Variants in ARID1A observed in about 807,000 individuals in gnomAD.
ARID1A encodes AT-rich interactive domain-containing protein 1A.
ARID1A carries 20 observed loss-of-function variants against 212.6 expected under a neutral mutation model. That is an observed-to-expected ratio of 0.09 (90% CI 0.07 to 0.14). The LOEUF (loss-of-function observed/expected upper bound fraction) is 0.14. Among genes scored for constraint, ARID1A ranks in the 10% least tolerant of loss-of-function variants. The probability of loss-of-function intolerance (pLI) is 1.00; values close to 1 mark genes in which losing one functional copy is unlikely to be tolerated. For synonymous variants in ARID1A, 1,376 were observed against 1,222.1 expected (o/e 1.13, Z -2.63); for missense variants, 2,587 against 3,059.0 (o/e 0.85, Z 3.64).
chr1:26,718,138 C>G (rs1299100409), intron 1 of ARID1A, among the ~76,000 whole-genome samples: 1 of 152,100 alleles, frequency 6.6e-6, no homozygotes, highest in Admixed American at 6.5e-5. Flanking sequence ...CCACGCCCAG[C>G]TAATTTTTGT....
chr1:26,753,937 G>C (rs1010015553), intron 4 of ARID1A, among the ~76,000 whole-genome samples: 2 of 152,156 alleles, frequency 1.3e-5, no homozygotes, highest in African/African-American at 4.8e-5. Flanking sequence ...CTCCCGAGTA[G>C]CTGGGACTAC....
At chr1:26,753,084 G>A (rs1226698113) in intron 4 of ARID1A, 4 of 152,172 alleles carry the variant, frequency 2.6e-5, no homozygotes, top group Non-Finnish European at 5.9e-5. Flanking sequence ...TCCTCATGTG[G>A]CTCTATTGGG....
rs2124108154 is a variant in ARID1A at position 26,772,976 on chromosome 1, G to C, written c.3704G>C (p.Ser1235Thr). 6.2e-7 allele frequency: 1 copy of C among 1,609,924 alleles called. No homozygotes were observed. The highest frequency in any genetic ancestry group is 8.5e-7 in the Non-Finnish European group (1 of 1,176,958). The change falls in exon 14 of 20, where the codon AGC (serine) becomes ACC (threonine). Residue 1235 changes from serine to threonine, a missense_variant. This residue lies in a region of ARID1A where 890 missense variants were observed against 1,098.2 expected (regional missense o/e 0.81). Coordinates refer to ENST00000324856, the MANE Select transcript of ARID1A (RefSeq NM_006015.6). ...SYEPNKDPYG[S>T]MRKAPGSDPF... ...GAGCCAAATAAGGATCCTTATGGCA[G>C]CATGAGGAAAGGTGACTGATCTGAT... is the stretch of plus-strand genomic sequence containing the variant.
chr1:26,762,657 A>T (rs2081002992), intron 7 of ARID1A, among the ~76,000 whole-genome samples: 1 of 152,242 alleles, frequency 6.6e-6, no homozygotes, highest in Non-Finnish European at 1.5e-5. Flanking sequence ...GTCATAATGG[A>T]ATAGATCTTT....
chr1:26,777,789 T>A (rs2081150603), intron 19 of ARID1A, among the ~76,000 whole-genome samples: 1 of 152,030 alleles, frequency 6.6e-6, no homozygotes. Flanking sequence ...AAAATTAGGC[T>A]GGGCGCAGTG....
rs1243522252 is a variant in ARID1A at position 26,696,250 on chromosome 1, A to T, written c.-154A>T. On this transcript the variant is annotated 5_prime_UTR_variant, in exon 1 of 20. Coordinates refer to ENST00000324856, the MANE Select transcript of ARID1A (RefSeq NM_006015.6). ...AGCCTGAGCCGGCGGGGCGGGGGGG[A>T]GAGGAGCGAGCGCAGCGCAGCAGCG... The T allele has an allele frequency of 2.8e-6, 2 of 711,768 alleles. No homozygotes were observed. The highest frequency in any genetic ancestry group is 5.3e-5 in the East Asian group (1 of 18,758). The allele number at this position is 711,768 out of a possible 1,614,324, so 44.1% of individuals were successfully genotyped here.
At chr1:26,776,435 G>A (rs541459219) in intron 19 of ARID1A, among the ~76,000 whole-genome samples, 23 of 151,846 alleles carry the variant, frequency 1.5e-4, no homozygotes, top group East Asian at 9.7e-4. Flanking sequence ...CACCACGCTC[G>A]GCTAATTTTT....
chr1:26,757,143 A>T (rs2080947352), intron 4 of ARID1A, among the ~76,000 whole-genome samples: 1 of 151,392 alleles, frequency 6.6e-6, no homozygotes, highest in Non-Finnish European at 1.5e-5. Flanking sequence ...TGAACCTGGG[A>T]GGTGGAGGTT....
At chr1:26,742,104 A>G (rs1420652349) in intron 4 of ARID1A, among the ~76,000 whole-genome samples, 1 of 152,232 alleles carries the variant, frequency 6.6e-6, no homozygotes, top group Non-Finnish European at 1.5e-5. Flanking sequence ...TTCCTCCAGC[A>G]TCCCACCCAG....
intron 1 of ARID1A, among the ~76,000 whole-genome samples, chr1:26,707,777 C>T (rs1472634847): frequency 3.3e-5 from 5 of 152,140 alleles, no homozygotes; most frequent in Admixed American, 2.0e-4. Context: ...TATTATTAAT[C>T]TTCCTCTTTT....
rs775351129 is a variant in ARID1A at position 26,774,351 on chromosome 1, G to T, written c.4124G>T (p.Gly1375Val). ...TAGAATTACAAGCGGCCAATGGATGGCACATATGGCCCTCCTGCCAAGCGG... is the reference window on the plus strand; with the variant it reads ...TAGAATTACAAGCGGCCAATGGATGTCACATATGGCCCTCCTGCCAAGCGG... ...QQQNYKRPMD[G>V]TYGPPAKRHE... Residue 1375 changes from glycine to valine, a missense_variant, in exon 18 of 20, where the codon GGC (glycine) becomes GTC (valine). Around this residue, in one of 11 missense-constraint regions of ARID1A, gnomAD observed 890 missense variants for 1,098.2 expected, o/e 0.81. Coordinates refer to ENST00000324856, the MANE Select transcript of ARID1A (RefSeq NM_006015.6). This position sits in a 1 kb window ranked among gnomAD's most constrained non-coding sequence, Gnocchi z 5.6. 1.3e-6 allele frequency: 2 copies of T among 1,550,186 alleles called. No individual in the cohort carries two copies. The highest frequency in any genetic ancestry group is 2.3e-5 in the East Asian group (1 of 44,248).
intron 1 of ARID1A, among the ~76,000 whole-genome samples, chr1:26,710,346 A>C (rs949202264): frequency 6.6e-6 from 1 of 151,280 alleles, no homozygotes; most frequent in South Asian, 2.1e-4. Flanking sequence ...AGGCAGGAGA[A>C]TCGCTTGAAC....
At chr1:26,775,810 C>G (rs1224881619) in intron 19 of ARID1A, 103 bp downstream of exon 19, 1 of 1,535,720 alleles carries the variant, frequency 6.5e-7, no homozygotes, top group Non-Finnish European at 8.9e-7. Context: ...CTCTTTCTCT[C>G]TTGTAGATAT....
rs149293353 is a variant in ARID1A, at chr1:26,779,977, G to C, written c.6079G>C (p.Ala2027Pro). ...LHHKHPERKQ[A>P]PLTYEKEEEQ... ...CCACAAGCACCCAGAACGGAAGCAG[G>C]CACCACTAACTTATGAAAAGGAGGA... Residue 2027 changes from alanine to proline, a missense_variant, in exon 20 of 20, where the codon GCA (alanine) becomes CCA (proline). Around this residue, in one of 11 missense-constraint regions of ARID1A, gnomAD observed 168 missense variants for 321.0 expected, o/e 0.52. Coordinates refer to ENST00000324856, the MANE Select transcript of ARID1A (RefSeq NM_006015.6). 2 of 1,614,176 alleles carry C rather than the reference G, an allele frequency of 1.2e-6. No individual in the cohort carries two copies. The highest frequency in any genetic ancestry group is 1.3e-5 in the African/African-American group (1 of 75,040).
At chr1:26,767,513 T>C (rs1031852134) in intron 10 of ARID1A, among the ~76,000 whole-genome samples, 6 of 152,210 alleles carry the variant, frequency 3.9e-5, no homozygotes, top group Non-Finnish European at 1.5e-5. Context: ...TGCTTCCTTA[T>C]CTTTACAAAT....
intron 4 of ARID1A, chr1:26,753,151 A>G (rs1479792081): frequency 6.6e-6 from 1 of 152,246 alleles, no homozygotes; most frequent in Non-Finnish European, 1.5e-5. Flanking sequence ...GCTTAAAAAT[A>G]TTCTTCAGTG....
At chr1:26,709,758 TCTTC>T (rs1455456315) in intron 1 of ARID1A, among the ~76,000 whole-genome samples, 1 of 150,436 alleles carries the variant, frequency 6.6e-6, no homozygotes, top group Non-Finnish European at 1.5e-5. Flanking sequence ...CCTCAAGCAA[TCTTC>T]CTTCCTCAGC....
chr1:26,736,668 C>T (rs371915258), intron 4 of ARID1A, among the ~76,000 whole-genome samples: 162 of 150,138 alleles, frequency 1.1e-3, no homozygotes, highest in African/African-American at 3.8e-3. Context: ...CTCAGGAGGC[C>T]GAGGCGGGCA....
chr1:26,763,405 T>A, intron 8 of ARID1A, 120 bp downstream of exon 8: 1 of 1,183,964 alleles, frequency 8.4e-7, no homozygotes, highest in Non-Finnish European at 1.2e-6. Context: ...GTGTATGAAG[T>A]GTTAATTCTT....
Sources: gnomAD v4.1 joint callset for allele counts (sites outside exome capture counted in the v4.1 genomes callset) on GRCh38, gnomAD v4.1.1 for gene constraint, gnomAD v4.1.1 regional missense constraint, Gnocchi (gnomAD v3.1) non-coding constraint, MANE v1.5 for transcripts, NCBI Gene and HGNC (gene_info 2026-07-23, HGNC 2026-07-21) for gene names.